Variants in NOS1AP observed in about 807,000 individuals in gnomAD.
The protein encoded by NOS1AP is carboxyl-terminal PDZ ligand of neuronal nitric oxide synthase protein.
A neutral mutation model predicts 56.2 loss-of-function variants in NOS1AP; 21 were observed. The ratio of observed to expected loss-of-function variants is 0.37; its 90% CI spans 0.26 to 0.54. The LOEUF (loss-of-function observed/expected upper bound fraction) is 0.54, where lower values mean the gene tolerates loss of function less well. Ranked by LOEUF, NOS1AP falls within the 20% of genes least tolerant of loss-of-function variation. The pLI is 0.84. For synonymous variants in NOS1AP, 270 were observed against 274.6 expected, an observed-to-expected ratio of 0.98 and a Z score of 0.17; for missense variants, 522 against 657.8, an observed-to-expected ratio of 0.79 and a Z score of 2.26.
chr1:162,287,391 G>A lies in NOS1AP; in HGVS notation c.225G>A (p.Met75Ile). ...TCAAGAAGAAGAAAGTGAGCATTATGGTTTCAGTGGATGGAGTGAAAGTGA... is the reference window on the plus strand; with the variant it reads ...TCAAGAAGAAGAAAGTGAGCATTATAGTTTCAGTGGATGGAGTGAAAGTGA... The part of the protein sequence containing the change: ...KNIKKKKVSI[M>I]VSVDGVKVIL... Residue 75 changes from methionine (M) to isoleucine (I), a missense_variant, in exon 3 of 10, where the codon ATG (methionine) becomes ATA (isoleucine). Around this residue, in one of 4 missense-constraint regions of NOS1AP, gnomAD observed 132 missense variants for 218.1 expected, o/e 0.61. Coordinates refer to ENST00000361897, the MANE Select transcript of NOS1AP (RefSeq NM_014697.3). The A allele has an allele frequency of 1.2e-6, 2 of 1,613,590 alleles. No homozygotes were observed. Among genetic ancestry groups the A allele is most frequent in the Non-Finnish European group, 8.5e-7 (1 of 1,179,542 alleles).
intron 5 of NOS1AP, among the ~76,000 whole-genome samples, chr1:162,337,432 A>C (rs1656976326): frequency 6.6e-6 from 1 of 152,228 alleles, no homozygotes; most frequent in African/African-American, 2.4e-5. Flanking sequence ...TGCCTGGTCA[A>C]ACTTACGAGA....
chr1:162,136,337 A>C (rs1649001759), intron 1 of NOS1AP, among the ~76,000 whole-genome samples: 1 of 152,174 alleles, frequency 6.6e-6, no homozygotes, highest in African/African-American at 2.4e-5. Flanking sequence ...ATATAGATCT[A>C]GGCTCATGAT....
At chr1:162,351,776 A>G (rs1657505404) in intron 6 of NOS1AP, among the ~76,000 whole-genome samples, 1 of 152,094 alleles carries the variant, frequency 6.6e-6, no homozygotes, top group Non-Finnish European at 1.5e-5. Context: ...CTTGGTAGCC[A>G]GGCTTCTTGC....
chr1:162,130,717 T>A, intron 1 of NOS1AP, among the ~76,000 whole-genome samples: 1 of 152,192 alleles, frequency 6.6e-6, no homozygotes. Flanking sequence ...GACTCTGCAG[T>A]CAGCCAGGCA....
chr1:162,227,645 C>T (rs1652986570), intron 2 of NOS1AP, among the ~76,000 whole-genome samples: 2 of 152,210 alleles, frequency 1.3e-5, no homozygotes, highest in Non-Finnish European at 2.9e-5. Context: ...GCAGCACACA[C>T]ATATCTTATG....
intron 3 of NOS1AP, among the ~76,000 whole-genome samples, chr1:162,297,685 G>A (rs1655515021): frequency 6.6e-6 from 1 of 152,138 alleles, no homozygotes; most frequent in South Asian, 2.1e-4. Context: ...AAGAGGTGGA[G>A]CCGAGGCAAC....
intron 2 of NOS1AP, among the ~76,000 whole-genome samples, chr1:162,225,718 A>G (rs1652921505): frequency 6.6e-6 from 1 of 152,108 alleles, no homozygotes; most frequent in African/African-American, 2.4e-5. Flanking sequence ...GTTCACTTAA[A>G]TGGGTGGGAA....
chr1:162,312,055 G>A (rs1348172221), intron 4 of NOS1AP, among the ~76,000 whole-genome samples: 1 of 148,654 alleles, frequency 6.7e-6, no homozygotes, highest in African/African-American at 2.5e-5. Flanking sequence ...GTGTGCATGT[G>A]TCTTTATAGC....
chr1:162,098,194 C>T (rs1376300705), intron 1 of NOS1AP, among the ~76,000 whole-genome samples: 1 of 149,386 alleles, frequency 6.7e-6, no homozygotes. Context: ...GCAACCTCTG[C>T]CCCCTGGGCT....
At chr1:162,242,599 A>G (rs1399868949) in intron 2 of NOS1AP, among the ~76,000 whole-genome samples, 1 of 152,220 alleles carries the variant, frequency 6.6e-6, no homozygotes, top group East Asian at 1.9e-4. Flanking sequence ...CTGTAACTGC[A>G]CGCAAAACCC....
At chr1:162,278,711 GTA>G (rs1238134414) in intron 2 of NOS1AP, among the ~76,000 whole-genome samples, 1 of 138,944 alleles carries the variant, frequency 7.2e-6, no homozygotes, top group Non-Finnish European at 1.6e-5. Context: ...GTGTGTGTGT[GTA>G]GATATGAATC....
chr1:162,238,642 G>GA (rs1260655564), intron 2 of NOS1AP, among the ~76,000 whole-genome samples: 1 of 152,184 alleles, frequency 6.6e-6, no homozygotes, highest in African/African-American at 2.4e-5. Flanking sequence ...ATATGAGTGA[G>GA]AAAAAATAGA....
At chr1:162,112,917 G>T (rs1290873768) in intron 1 of NOS1AP, among the ~76,000 whole-genome samples, 1 of 152,138 alleles carries the variant, frequency 6.6e-6, no homozygotes, top group Non-Finnish European at 1.5e-5. Context: ...AATTGCTTTA[G>T]TCTGCAATAA....
chr1:162,221,765 G>T (rs1279211907), intron 2 of NOS1AP, among the ~76,000 whole-genome samples: 1 of 152,072 alleles, frequency 6.6e-6, no homozygotes, highest in Admixed American at 6.6e-5. Flanking sequence ...ACAGTATTTG[G>T]AATGTAAACA....
chr1:162,113,613 C>A (rs1467232543), intron 1 of NOS1AP, among the ~76,000 whole-genome samples: 1 of 152,208 alleles, frequency 6.6e-6, no homozygotes, highest in Admixed American at 6.5e-5. Context: ...TTTACATGGC[C>A]GGAACGGGAG....
At chr1:162,196,800 G>A (rs1440857738) in intron 2 of NOS1AP, among the ~76,000 whole-genome samples, 2 of 152,172 alleles carry the variant, frequency 1.3e-5, no homozygotes, top group Non-Finnish European at 2.9e-5. Flanking sequence ...GTTGCTTGGG[G>A]GGAACAGACT....
At chr1:162,254,104 A>G (rs1653949422) in intron 2 of NOS1AP, among the ~76,000 whole-genome samples, 1 of 152,184 alleles carries the variant, frequency 6.6e-6, no homozygotes, top group Admixed American at 6.6e-5. Context: ...TTGATGAAGG[A>G]TGATGAAACA....
chr1:162,217,947 A>T lies in NOS1AP; in HGVS notation c.177+63471A>T, dbSNP rs73017372. Among the ~76,000 whole-genome samples the T allele has an allele frequency of 9.1e-3, 1,379 of 152,308 alleles. 23 individuals are homozygous for T. The highest frequency in any genetic ancestry group is 0.032 in the African/African-American group (1,312 of 41,562). Reference sequence around the variant, plus strand: ...TGTACTGAGCATATGGGGACTTTACATCATCTTGTTTCCATCTCATAAATA... The same window carrying T: ...TGTACTGAGCATATGGGGACTTTACTTCATCTTGTTTCCATCTCATAAATA... On this transcript the variant is annotated intron_variant, in intron 2 of 9. Coordinates refer to ENST00000361897, the MANE Select transcript of NOS1AP (RefSeq NM_014697.3).
chr1:162,327,937 T>C (rs1449434388), intron 4 of NOS1AP, among the ~76,000 whole-genome samples: 1 of 152,264 alleles, frequency 6.6e-6, no homozygotes, highest in Non-Finnish European at 1.5e-5. Flanking sequence ...AAATGTGGTA[T>C]GTGTGTTTTA....
Sources: allele counts gnomAD v4.1 joint callset (sites outside exome capture counted in the v4.1 genomes callset), GRCh38; gene constraint gnomAD v4.1.1; regional missense constraint gnomAD v4.1.1; transcripts MANE v1.5; gene names NCBI Gene and HGNC (gene_info 2026-07-23, HGNC 2026-07-21).